The following PDE11A variants were observed in gnomAD, a reference collection of about 807,000 sequenced individuals.
PDE11A encodes the protein phosphodiesterase 11A, also known as dual 3',5'-cyclic-AMP and -GMP phosphodiesterase 11A.
In PDE11A, 100 loss-of-function variants were observed where a neutral mutation model predicts 100.5. The ratio of observed to expected loss-of-function variants is 1.00; its 90% CI spans 0.85 to 1.18. PDE11A has a LOEUF of 1.18. Ranked by LOEUF, PDE11A falls within the 50% of genes most tolerant of loss-of-function variation. PDE11A has a pLI of 0.00. For missense variants in PDE11A, 1,141 were observed against 1,152.6 expected, an observed-to-expected ratio of 0.99 and a Z score of 0.15; for synonymous variants, 381 against 420.8, an observed-to-expected ratio of 0.91 and a Z score of 1.16.
chr2:177,672,502 A>G (rs2080698565), intron 17 of PDE11A, among the ~76,000 whole-genome samples: 1 of 152,140 alleles, frequency 6.6e-6, no homozygotes, highest in South Asian at 2.1e-4. Context: ...ACCCTAAAAT[A>G]TGTGTCATCA....
intron 9 of PDE11A, among the ~76,000 whole-genome samples, chr2:177,784,785 T>G (rs1036487772): frequency 3.9e-5 from 6 of 152,244 alleles, no homozygotes; most frequent in African/African-American, 1.4e-4. Context: ...CTGATTAAGA[T>G]CCAGCTTAAA....
intron 12 of PDE11A, among the ~76,000 whole-genome samples, chr2:177,715,824 T>C (rs971874219): frequency 1.3e-5 from 2 of 152,236 alleles, no homozygotes; most frequent in Non-Finnish European, 2.9e-5. Context: ...GTGGTTTCTC[T>C]CAAGTGTCTG....
chr2:177,842,431 GTTC>G (rs2105628009), intron 5 of PDE11A, among the ~76,000 whole-genome samples: 1 of 152,340 alleles, frequency 6.6e-6, no homozygotes, highest in East Asian at 1.9e-4. Context: ...TACGAAGTGT[GTTC>G]TTGGCACAAT....
intron 4 of PDE11A, among the ~76,000 whole-genome samples, chr2:177,876,287 C>T (rs1574242581): frequency 8.1e-6 from 1 of 123,402 alleles, no homozygotes; most frequent in East Asian, 2.0e-4. Flanking sequence ...CAGGTAGGGA[C>T]AGAACACCCC....
At chr2:177,828,407 CA>C (rs1436202029) in intron 6 of PDE11A, among the ~76,000 whole-genome samples, 13 of 151,550 alleles carry the variant, frequency 8.6e-5, no homozygotes, top group Admixed American at 5.9e-4. Flanking sequence ...GGGGATACAG[CA>C]GTGAAAAACA....
chr2:177,790,071 G>A (rs1391745287), intron 9 of PDE11A, among the ~76,000 whole-genome samples: 13 of 152,026 alleles, frequency 8.6e-5, no homozygotes, highest in East Asian at 1.9e-4. Flanking sequence ...AAAAGAGCCC[G>A]CATCACCAAG....
At chr2:177,791,796 A>G (rs72949157) in intron 9 of PDE11A, among the ~76,000 whole-genome samples, 624 of 152,294 alleles carry the variant, frequency 4.1e-3, no homozygotes, top group Non-Finnish European at 7.3e-3. Context: ...TTTGTTACCT[A>G]TAGGAGAAAA....
At position 177,675,442 on chromosome 2, in the gene PDE11A, A is replaced by C; in HGVS notation, c.2487+13T>G. Reference sequence around the variant, plus strand: ...CCCTCCTCTGCTGAGCCCTGCCATTAATCACCACTTGCCTGTCTGGAGATC... The same window carrying C: ...CCCTCCTCTGCTGAGCCCTGCCATTCATCACCACTTGCCTGTCTGGAGATC... On this transcript the variant is annotated intron_variant, in intron 17 of 19. Coordinates refer to ENST00000286063, the MANE Select transcript of PDE11A (RefSeq NM_016953.4). The C allele has an allele frequency of 6.2e-7, 1 of 1,601,834 alleles. No individual in the cohort carries two copies.
intron 9 of PDE11A, among the ~76,000 whole-genome samples, chr2:177,786,135 C>G (rs910459086): frequency 4.6e-5 from 7 of 152,322 alleles, no homozygotes; most frequent in African/African-American, 1.7e-4. Context: ...TGGGAGGCAT[C>G]CCCCAGTAGG....
intron 4 of PDE11A, among the ~76,000 whole-genome samples, chr2:177,889,615 T>A (rs553110527): frequency 6.6e-6 from 1 of 152,146 alleles, no homozygotes; most frequent in South Asian, 2.1e-4. Context: ...CCATTTTATT[T>A]TCAATTTTAT....
chr2:177,827,418 T>A (rs1455404799), intron 6 of PDE11A, among the ~76,000 whole-genome samples: 1 of 152,258 alleles, frequency 6.6e-6, no homozygotes, highest in African/African-American at 2.4e-5. Context: ...AGGCCTGCCC[T>A]ACTTTTTAGT....
chr2:177,650,533 G>T (rs1489521316), intron 19 of PDE11A, among the ~76,000 whole-genome samples: 1 of 152,046 alleles, frequency 6.6e-6, no homozygotes, highest in Non-Finnish European at 1.5e-5. Flanking sequence ...AGGCATCTTG[G>T]TTCACCATGC....
intron 2 of PDE11A, among the ~76,000 whole-genome samples, chr2:177,919,727 C>G (rs538383759): frequency 2.0e-5 from 3 of 151,632 alleles, no homozygotes; most frequent in Non-Finnish European, 4.4e-5. Flanking sequence ...AATTACCTGT[C>G]CAAATTAATC....
intron 1 of PDE11A, among the ~76,000 whole-genome samples, chr2:178,021,327 T>C (rs992590974): frequency 6.6e-6 from 1 of 152,184 alleles, no homozygotes. Flanking sequence ...GTGTCTTCAT[T>C]ACACTACTTA....
chr2:178,071,523 T>C lies in PDE11A; in HGVS notation c.912+3A>G. Reference sequence around the variant, plus strand: ...GGGAGAAGGGGACAATGCAAAGTCCTACCTGGTAGGCATCAGGAATGTTGA... The same window carrying C: ...GGGAGAAGGGGACAATGCAAAGTCCCACCTGGTAGGCATCAGGAATGTTGA... On this transcript the variant is annotated splice_donor_region_variant and intron_variant, in intron 1 of 19. Transcript: ENST00000286063. 1 of 1,613,000 alleles carries C rather than the reference T, an allele frequency of 6.2e-7. No individual in the cohort carries two copies. The highest frequency in any genetic ancestry group is 8.5e-7 in the Non-Finnish European group (1 of 1,178,960).
intron 19 of PDE11A, among the ~76,000 whole-genome samples, chr2:177,640,898 C>A (rs1049874354): frequency 3.9e-5 from 6 of 152,194 alleles, no homozygotes; most frequent in African/African-American, 1.4e-4. Flanking sequence ...TCTTCCTCTT[C>A]CCCTTACATC....
At chr2:177,649,850 T>C (rs2080283180) in intron 19 of PDE11A, among the ~76,000 whole-genome samples, 1 of 152,190 alleles carries the variant, frequency 6.6e-6, no homozygotes. Context: ...GTGTCTAAAC[T>C]ATTTAGCAAT....
At chr2:177,898,314 A>G in intron 3 of PDE11A, 116 bp from the exon 4 acceptor site, 2 of 687,420 alleles carry the variant, frequency 2.9e-6, no homozygotes, top group Non-Finnish European at 5.0e-6. Flanking sequence ...TTGTGTAGCT[A>G]ATTTTAAAAA....
chr2:177,744,823 G>C (rs922771069), intron 10 of PDE11A, among the ~76,000 whole-genome samples: 4 of 152,190 alleles, frequency 2.6e-5, no homozygotes, highest in African/African-American at 9.6e-5. Context: ...CACATGCACG[G>C]AGCAGAAACC....
Sources: gnomAD v4.1 joint callset for allele counts (sites outside exome capture counted in the v4.1 genomes callset) on GRCh38, gnomAD v4.1.1 for gene constraint, MANE v1.5 for transcripts, NCBI Gene and HGNC (gene_info 2026-07-23, HGNC 2026-07-21) for gene names.